RASSF2: variants seen among roughly 807,000 people sequenced by gnomAD.
RASSF2 encodes Ras association domain family member 2.
RASSF2 carries 34 observed loss-of-function variants against 46.3 expected under a neutral mutation model. That is an observed-to-expected ratio of 0.73 (90% CI 0.56 to 0.98). The LOEUF is 0.98. Among genes scored for constraint, RASSF2 ranks in the 50% least tolerant of loss-of-function variants. The pLI is 0.00. For missense variants in RASSF2, 364 were observed against 431.2 expected, an observed-to-expected ratio of 0.84 and a Z score of 1.38; for synonymous variants, 158 against 162.5, an observed-to-expected ratio of 0.97 and a Z score of 0.21.
chr20:4,784,821 C>A (rs971664137), intron 11 of RASSF2, among the ~76,000 whole-genome samples: 3 of 152,090 alleles, frequency 2.0e-5, no homozygotes, highest in Admixed American at 6.5e-5. Flanking sequence ...TATAACAGAA[C>A]CTGCATTTTG....
chr20:4,796,090 G>A (rs1468571756), intron 4 of RASSF2, 124 bp from the exon 5 acceptor site: 1 of 1,038,792 alleles, frequency 9.6e-7, no homozygotes, highest in Admixed American at 3.6e-5. Flanking sequence ...TGTATTCACA[G>A]GATAGGGGCA....
In RASSF2 at chr20:4,787,605, C is replaced by T. The variant is rs757914951; in HGVS notation, c.813+28G>A. On this transcript the variant is annotated intron_variant, in intron 10 of 11. Coordinates refer to ENST00000379400, the MANE Select transcript of RASSF2 (RefSeq NM_014737.3). ...AACCAAATCCCCACCCTCCTGAGGA[C>T]AGATCGCCTGACCCAAAGGGAACTC... 1.9e-6 allele frequency: 3 copies of T among 1,614,142 alleles called. No individual in the cohort carries two copies. In the South Asian group the frequency reaches 3.3e-5, roughly 18 times the overall value.
intron 5 of RASSF2, 145 bp from the exon 6 acceptor site, chr20:4,792,772 G>A: frequency 7.0e-7 from 1 of 1,429,610 alleles, no homozygotes; most frequent in African/African-American, 1.4e-5. Context: ...GGTGATGAAG[G>A]GTGCAGATGG....
At chr20:4,793,580 C>T (rs567832889) in intron 5 of RASSF2, among the ~76,000 whole-genome samples, 12 of 152,298 alleles carry the variant, frequency 7.9e-5, no homozygotes, top group African/African-American at 2.4e-4. Context: ...GCGACTCCCA[C>T]TCCCTGATTT....
chr20:4,800,892 G>T, intron 3 of RASSF2, 80 bp downstream of exon 3: 1 of 1,224,392 alleles, frequency 8.2e-7, no homozygotes, highest in Non-Finnish European at 1.2e-6. Context: ...GGGGCCCTCT[G>T]CCAGCGGCTG....
chr20:4,814,516 G>C (rs991894234), intron 2 of RASSF2, among the ~76,000 whole-genome samples: 1 of 152,138 alleles, frequency 6.6e-6, no homozygotes, highest in Non-Finnish European at 1.5e-5. Context: ...GCCACCTGGG[G>C]ACAGGACTGA....
At chr20:4,785,343 CA>C (rs886838526) in intron 11 of RASSF2, among the ~76,000 whole-genome samples, 2 of 151,872 alleles carry the variant, frequency 1.3e-5, no homozygotes, top group Non-Finnish European at 2.9e-5. Context: ...TGTGTCAAAA[CA>C]AAACAAAACA....
intron 3 of RASSF2, among the ~76,000 whole-genome samples, chr20:4,800,491 C>CCTT (rs1355098374): frequency 6.6e-6 from 1 of 152,168 alleles, no homozygotes; most frequent in African/African-American, 2.4e-5. Context: ...ACAGACAGTG[C>CCTT]CTTCTCACTG....
chr20:4,785,329 ACT>A (rs1925230217), intron 11 of RASSF2, among the ~76,000 whole-genome samples: 1 of 152,108 alleles, frequency 6.6e-6, no homozygotes, highest in Non-Finnish European at 1.5e-5. Flanking sequence ...ACAGAGCAAG[ACT>A]CTGTGTCAAA....
intron 2 of RASSF2, among the ~76,000 whole-genome samples, chr20:4,821,185 C>G (rs549101923): frequency 6.6e-6 from 1 of 152,198 alleles, no homozygotes; most frequent in East Asian, 1.9e-4. Context: ...TCAGAGCATC[C>G]AAAGGATTGA....
intron 10 of RASSF2, among the ~76,000 whole-genome samples, chr20:4,786,635 C>A (rs1315244359): frequency 1.3e-5 from 2 of 152,194 alleles, no homozygotes; most frequent in African/African-American, 4.8e-5. Context: ...AGAGAAAGAA[C>A]TGAACCCATT....
At chr20:4,814,779 G>A (rs186557647) in intron 2 of RASSF2, among the ~76,000 whole-genome samples, 120 of 152,340 alleles carry the variant, frequency 7.9e-4, no homozygotes, top group Non-Finnish European at 1.2e-3. Flanking sequence ...CCCTCCTAGT[G>A]CCAGGAGAAA....
chr20:4,809,397 C>G (rs1927592083), intron 2 of RASSF2, among the ~76,000 whole-genome samples: 1 of 152,080 alleles, frequency 6.6e-6, no homozygotes, highest in African/African-American at 2.4e-5. Flanking sequence ...AGCCTCGACC[C>G]TCATCAAAAC....
At position 4,801,008 on chromosome 20, in the gene RASSF2, G is replaced by A. The variant is rs774972077; in HGVS notation, c.23C>T (p.Ser8Phe). 2 of 1,613,914 alleles carry A rather than the reference G, an allele frequency of 1.2e-6. No individual in the cohort carries two copies. Among genetic ancestry groups the A allele is most frequent in the Non-Finnish European group, 1.7e-6 (2 of 1,179,738 alleles). ...TTTATCTTGTCCACATGGGACTAGG[G>A]ACGTTTGGTGGCTGTAGTCCATTCT... Reference protein sequence around the residue: MDYSHQTSLVPCGQDKYI... With the variant: MDYSHQTFLVPCGQDKYI... The change falls in exon 3 of 12, where the codon TCC becomes TTC. Residue 8 changes from serine to phenylalanine, a missense_variant. Transcript: ENST00000379400.
chr20:4,807,638 C>T (rs1288918035), intron 2 of RASSF2, among the ~76,000 whole-genome samples: 1 of 152,194 alleles, frequency 6.6e-6, no homozygotes, highest in African/African-American at 2.4e-5. Flanking sequence ...TGGGAATTTT[C>T]TAGGGCTCAG....
At position 4,800,612 on chromosome 20, in the gene RASSF2, T is replaced by G. The variant is rs952027525; in HGVS notation, c.59+360A>C. 4.5e-4 allele frequency among the ~76,000 whole-genome samples: 69 copies of G among 152,150 alleles called. 1 individual carries two copies. Among genetic ancestry groups the G allele is most frequent in the African/African-American group, 1.5e-3 (64 of 41,442 alleles). ...CTTATACCAGCACCTTGGGGTGAAG[T>G]TTCCACATAGGAATTTGGGGGAGAC... On this transcript the variant is annotated intron_variant, in intron 3 of 11. Coordinates refer to ENST00000379400, the MANE Select transcript of RASSF2 (RefSeq NM_014737.3).
At chr20:4,793,823 A>G (rs1926109018) in intron 5 of RASSF2, among the ~76,000 whole-genome samples, 1 of 152,128 alleles carries the variant, frequency 6.6e-6, no homozygotes, top group Non-Finnish European at 1.5e-5. Context: ...TCACTGTATT[A>G]TAGCTGACAT....
At chr20:4,786,119 C>T (rs899640057) in intron 11 of RASSF2, 112 bp downstream of exon 11, 45 of 864,650 alleles carry the variant, frequency 5.2e-5, no homozygotes, top group Non-Finnish European at 7.1e-5. Flanking sequence ...CAAAGAAAGC[C>T]GAGACTCAGG....
At position 4,790,673 on chromosome 20, in the gene RASSF2, C is replaced by T; in HGVS notation, c.377-62G>A. ...GACCTGGGACATGGCACATGGTCCC[C>T]AATTTGTGGCCAGTGCGACAGCACC... is the stretch of plus-strand genomic sequence containing the variant. On this transcript the variant is annotated intron_variant, in intron 6 of 11. Transcript: ENST00000379400. This position sits in a 1 kb window ranked among gnomAD's most constrained non-coding sequence, Gnocchi z 4.3. 1.4e-6 allele frequency: 2 copies of T among 1,393,140 alleles called. No homozygotes were observed. The highest frequency in any genetic ancestry group is 1.9e-6 in the Non-Finnish European group (2 of 1,047,030). 86.3% of individuals were successfully genotyped at this position (1,393,140 alleles called of 1,614,324 possible). A position where few individuals can be genotyped will look rare whatever the true frequency, so the allele number is the denominator to read the frequency against.
Sources: allele counts gnomAD v4.1 joint callset (sites outside exome capture counted in the v4.1 genomes callset), GRCh38; gene constraint gnomAD v4.1.1; non-coding constraint Gnocchi (gnomAD v3.1); transcripts MANE v1.5; gene names NCBI Gene and HGNC (gene_info 2026-07-23, HGNC 2026-07-21).